The following COLQ variants were observed in gnomAD, a reference collection of about 807,000 sequenced individuals.
COLQ encodes collagen like tail subunit of asymmetric acetylcholinesterase.
In COLQ, 48 loss-of-function variants were observed where a neutral mutation model predicts 69.0. That is an observed-to-expected ratio of 0.70 (90% CI 0.55 to 0.88). The LOEUF is 0.88. Ranked by LOEUF, COLQ falls within the 40% of genes least tolerant of loss-of-function variation. The probability of loss-of-function intolerance (pLI) is 0.00; values close to 1 mark genes in which losing one functional copy is unlikely to be tolerated. For synonymous variants in COLQ, 217 were observed against 211.2 expected (o/e 1.03, Z -0.24); for missense variants, 618 against 594.6 (o/e 1.04, Z -0.41).
Position 15,466,257 on chromosome 3 carries a change from T to C in COLQ, c.814+84A>G, listed in dbSNP as rs942229416. On this transcript the variant is annotated intron_variant, in intron 12 of 16. Coordinates refer to ENST00000383788, the MANE Select transcript of COLQ (RefSeq NM_005677.4). ...AGTTTCTAACTTGAAACACAAGGCA[T>C]CTCTGCTGGCATCTCCTTGTGCCCT... The C allele has an allele frequency of 5.4e-6, 5 of 925,622 alleles. No homozygotes were observed. In the East Asian group the frequency reaches 1.2e-4, roughly 22 times the overall value. The allele number at this position is 925,622 out of a possible 1,614,324, so 57.3% of individuals were successfully genotyped here.
chr3:15,505,325 T>A (rs2062894167), intron 1 of COLQ, among the ~76,000 whole-genome samples: 2 of 152,208 alleles, frequency 1.3e-5, no homozygotes, highest in South Asian at 4.1e-4. Flanking sequence ...GAAAAGTCTA[T>A]CCTCACTACA....
chr3:15,510,765 G>A (rs1428883844), intron 1 of COLQ, among the ~76,000 whole-genome samples: 4 of 134,770 alleles, frequency 3.0e-5, no homozygotes, highest in African/African-American at 1.1e-4. Flanking sequence ...GGGGAACAGA[G>A]GGGAGGGGAG....
At chr3:15,509,160 G>A (rs1294564169) in intron 1 of COLQ, among the ~76,000 whole-genome samples, 1 of 152,184 alleles carries the variant, frequency 6.6e-6, no homozygotes, top group Non-Finnish European at 1.5e-5. Flanking sequence ...GCCACTATTT[G>A]CTGGCATTCC....
chr3:15,479,428 A>G (rs1421218986), intron 3 of COLQ, 46 bp from the exon 4 acceptor site: 3 of 1,589,178 alleles, frequency 1.9e-6, no homozygotes, highest in Non-Finnish European at 2.6e-6. Context: ...ATCAGTCTGA[A>G]GCTGGATGGG....
At chr3:15,480,866 T>C (rs1575478336) in intron 3 of COLQ, among the ~76,000 whole-genome samples, 1 of 152,358 alleles carries the variant, frequency 6.6e-6, no homozygotes, top group East Asian at 1.9e-4. Context: ...TTTTTAATGA[T>C]CGCCATTCTA....
At chr3:15,456,408 G>A in intron 14 of COLQ, 52 bp downstream of exon 14, 1 of 1,609,220 alleles carries the variant, frequency 6.2e-7, no homozygotes, top group Non-Finnish European at 8.5e-7. Flanking sequence ...TTTAATGGAT[G>A]CATCTCTCTC....
chr3:15,519,048 G>A (rs1274064063), intron 1 of COLQ, among the ~76,000 whole-genome samples: 1 of 151,990 alleles, frequency 6.6e-6, no homozygotes, highest in Non-Finnish European at 1.5e-5. Flanking sequence ...TTTTTTTAAA[G>A]CTTAAGTTTA....
chr3:15,474,992 G>A, intron 7 of COLQ, 41 bp from the exon 8 acceptor site: 1 of 1,606,064 alleles, frequency 6.2e-7, no homozygotes, highest in African/African-American at 1.3e-5. Context: ...CAGCCCTGTA[G>A]GACTTCTGAG....
intron 1 of COLQ, among the ~76,000 whole-genome samples, chr3:15,521,153 A>G (rs1203505007): frequency 1.3e-5 from 2 of 152,188 alleles, no homozygotes; most frequent in Non-Finnish European, 2.9e-5. Context: ...GAGGTCAGAG[A>G]TGTATTTATA....
chr3:15,458,521 C>T (rs1163682337), intron 12 of COLQ, among the ~76,000 whole-genome samples, 196 bp from the exon 13 acceptor site: 2 of 152,204 alleles, frequency 1.3e-5, no homozygotes, highest in African/African-American at 2.4e-5. Context: ...AGCTGGTAGG[C>T]GATAGTTTCC....
At chr3:15,463,839 A>G (rs2062158178) in intron 12 of COLQ, among the ~76,000 whole-genome samples, 1 of 152,184 alleles carries the variant, frequency 6.6e-6, no homozygotes, top group African/African-American at 2.4e-5. Flanking sequence ...TCATCCAGCC[A>G]ATTCCAGAAA....
Position 15,475,483 on chromosome 3 carries a change from TC to T in COLQ, c.469del (p.Glu157LysfsTer7). 1 of 1,596,808 alleles carries T rather than the reference TC, an allele frequency of 6.3e-7. No individual in the cohort carries two copies. The highest frequency in any genetic ancestry group is 8.5e-7 in the Non-Finnish European group (1 of 1,170,334). The stretch of plus-strand genomic sequence containing the variant: ...GCCCATCATACCCAGGTCACCTTTT[TC>T]ACCCTGTGGGAATTAGAAGAAGAAA... ...GWPGPEGPRGEKGDLGMMGLP... is the reference protein window; with the variant it reads ...GWPGPEGPRGXKGDLGMMGLP... On this transcript the variant is annotated frameshift_variant, in exon 7 of 17. Coordinates refer to ENST00000383788, the MANE Select transcript of COLQ (RefSeq NM_005677.4). LOFTEE classifies it high-confidence loss of function.
intron 1 of COLQ, among the ~76,000 whole-genome samples, chr3:15,515,677 G>T (rs1432608835): frequency 6.6e-6 from 1 of 152,054 alleles, no homozygotes; most frequent in African/African-American, 2.4e-5. Context: ...GTGGTGGTGG[G>T]AGCCTGTAAT....
At chr3:15,467,922 T>C in intron 11 of COLQ, 1 of 456,754 alleles carries the variant, frequency 2.2e-6, no homozygotes, top group South Asian at 1.5e-5. Flanking sequence ...GAATATGGGA[T>C]CCGTGAGGTC....
At position 15,474,943 on chromosome 3, in the gene COLQ, A is replaced by T; in HGVS notation, c.537T>A (p.Pro179=). 6.2e-7 allele frequency: 1 copy of T among 1,614,142 alleles called. No individual in the cohort carries two copies. Among genetic ancestry groups the T allele is most frequent in the Non-Finnish European group, 8.5e-7 (1 of 1,179,994 alleles). ...CACTAACCTTTTCCCCTCTGGATCC[A>T]GGGTAGCCCTAAAAGAAAGCAGAAG... is the stretch of plus-strand genomic sequence containing the variant. The part of the protein sequence containing the change: ...SRGPMGSKGY[P]GSRGEKGSRG... Residue 179 remains proline, a synonymous_variant, in exon 8 of 17, where the codon CCT becomes CCA. Transcript: ENST00000383788.
chr3:15,463,327 T>G (rs1002242513), intron 12 of COLQ, among the ~76,000 whole-genome samples: 4 of 151,384 alleles, frequency 2.6e-5, no homozygotes, highest in African/African-American at 7.3e-5. Context: ...TTTGTTTTTT[T>G]TTGTTGTTTT....
At chr3:15,497,360 T>G (rs2062760774) in intron 1 of COLQ, among the ~76,000 whole-genome samples, 1 of 152,046 alleles carries the variant, frequency 6.6e-6, no homozygotes, top group South Asian at 2.1e-4. Flanking sequence ...AGTCCCTTTT[T>G]AAAATAAGTA....
In COLQ at chr3:15,486,589, C is replaced by T. The variant is rs191071015; in HGVS notation, c.321+1617G>A. 2.8e-3 allele frequency among the ~76,000 whole-genome samples: 419 copies of T among 152,314 alleles called. 5 individuals carry two copies. Among genetic ancestry groups the T allele is most frequent in the Admixed American group, 0.027 (412 of 15,298 alleles). On this transcript the variant is annotated intron_variant, in intron 3 of 16. Coordinates refer to ENST00000383788, the MANE Select transcript of COLQ (RefSeq NM_005677.4). ...CTATATTCCATGGGTTCTAGCATGC[C>T]TGAGACCTGTTAGTGTAGACTGCTG... is the stretch of plus-strand genomic sequence containing the variant.
At chr3:15,465,232 T>TTTTTTTTA (rs201876301) in intron 12 of COLQ, among the ~76,000 whole-genome samples, 17 of 141,542 alleles carry the variant, frequency 1.2e-4, no homozygotes, top group African/African-American at 2.4e-4. Context: ...GACTTTATAT[T>TTTTTTTTA]TTGATTTATT....
Sources: gnomAD v4.1 joint callset for allele counts (sites outside exome capture counted in the v4.1 genomes callset) on GRCh38, gnomAD v4.1.1 for gene constraint, MANE v1.5 for transcripts, NCBI Gene and HGNC (gene_info 2026-07-23, HGNC 2026-07-21) for gene names.